ECI2: variants seen among roughly 807,000 people sequenced by gnomAD.
ECI2 encodes D3,D2-enoyl-CoA isomerase.
Under a neutral mutation model 38.4 loss-of-function variants are expected in ECI2, and 27 were observed. The ratio of observed to expected loss-of-function variants is 0.70; its 90% CI spans 0.52 to 0.97. ECI2 has a LOEUF of 0.97. ECI2 is among the 50% of genes least tolerant of loss of function. The pLI, the probability that ECI2 is intolerant of heterozygous loss-of-function variation, is 0.00. For missense variants in ECI2, 470 were observed against 474.4 expected (o/e 0.99, Z 0.09); for synonymous variants, 168 against 172.0 (o/e 0.98, Z 0.18).
rs1397646528 is a variant in ECI2, at chr6:4,127,783, A to G, written c.550T>C (p.Ser184Pro). 1 of 1,613,376 alleles carries G rather than the reference A, an allele frequency of 6.2e-7. No homozygotes were observed. The highest frequency in any genetic ancestry group is 8.5e-7 in the Non-Finnish European group (1 of 1,179,672). ...TTACCTGTTAAAACAGTGATGATTG[A>G]GTCATCCTTGCTGGCAGCTTTAAGT... ...RALKAASKDD[S>P]IITVLTGNGD... Residue 184 changes from serine to proline, a missense_variant, in exon 5 of 10, where the codon TCA becomes CCA. By Grantham distance (74) the Ser-to-Pro change is moderately conservative (BLOSUM62 -1). Coordinates refer to ENST00000380118, the MANE Select transcript of ECI2 (RefSeq NM_206836.3).
intron 7 of ECI2, 148 bp downstream of exon 7, chr6:4,125,102 G>T: frequency 7.6e-7 from 1 of 1,310,478 alleles, no homozygotes; most frequent in Non-Finnish European, 1.1e-6. Flanking sequence ...AGTCAAATCA[G>T]CCTAATGCTT....
chr6:4,116,093 G>A, intron 9 of ECI2, 64 bp from the exon 10 acceptor site: 2 of 1,545,058 alleles, frequency 1.3e-6, no homozygotes, highest in Non-Finnish European at 1.8e-6. Context: ...ACTCATGCCT[G>A]TAATCCCAGC....
At position 4,120,543 on chromosome 6, in the gene ECI2, G is replaced by A. The variant is rs546891352; in HGVS notation, c.796-1268C>T. Among the ~76,000 whole-genome samples the A allele has an allele frequency of 2.4e-4, 37 of 152,052 alleles. 1 individual carries two copies. Among genetic ancestry groups the A allele is most frequent in the African/African-American group, 5.8e-4 (24 of 41,448 alleles). ...GCAGTTCGAGACCAGCCTGGCCAAC[G>A]TAGTGAAACCCCATCTCTACTAAAA... On this transcript the variant is annotated intron_variant, in intron 7 of 9. Coordinates refer to ENST00000380118, the MANE Select transcript of ECI2 (RefSeq NM_206836.3).
At position 4,117,374 on chromosome 6, in the gene ECI2, G is replaced by A. The variant is rs1364111151; in HGVS notation, c.963C>T (p.Phe321=). 8 of 1,613,870 alleles carry A rather than the reference G, an allele frequency of 5.0e-6. No homozygotes were observed. The highest frequency in any genetic ancestry group is 6.8e-6 in the Non-Finnish European group (8 of 1,179,930). The change falls in exon 9 of 10, where the codon TTC becomes TTT. Residue 321 remains phenylalanine, a synonymous_variant. Transcript: ENST00000380118. The part of the protein sequence containing the change: ...ACAQGLVTEV[F]PDSTFQKEVW... ...CTTCTTTCTGAAAAGTGCTATCAGG[G>A]AAAACTTCAGTAACAAGTCCTTGAG...
intron 1 of ECI2, among the ~76,000 whole-genome samples, chr6:4,134,540 T>G (rs1424537785): frequency 6.6e-6 from 1 of 151,970 alleles, no homozygotes; most frequent in Non-Finnish European, 1.5e-5. Flanking sequence ...AATAATAGAG[T>G]TAATGGCAAA....
chr6:4,132,411 G>A (rs111967316), intron 2 of ECI2, among the ~76,000 whole-genome samples: 4 of 152,060 alleles, frequency 2.6e-5, no homozygotes, highest in Admixed American at 1.3e-4. Flanking sequence ...AAATCACATC[G>A]TTAAGACAAT....
chr6:4,132,766 T>G lies in ECI2; in HGVS notation c.213+783A>C, dbSNP rs149595225. The stretch of plus-strand genomic sequence containing the variant: ...TTACTTGCTTCATCTCTCTCTCTCT[T>G]TATTTTCTTTCGTTTTTGGACAGAG... On this transcript the variant is annotated intron_variant, in intron 2 of 9. Coordinates refer to ENST00000380118, the MANE Select transcript of ECI2 (RefSeq NM_206836.3). 5.9e-5 allele frequency among the ~76,000 whole-genome samples: 9 copies of G among 151,900 alleles called. No homozygotes were observed. The South Asian group carries it at 6.2e-4, about 11-fold the overall frequency.
At chr6:4,133,840 C>T (rs1773607136) in intron 1 of ECI2, 129 bp from the exon 2 acceptor site, 3 of 1,121,700 alleles carry the variant, frequency 2.7e-6, no homozygotes. Context: ...TTATACTTGC[C>T]TCAGCAAACT....
chr6:4,135,513 C>A lies in ECI2; in HGVS notation c.48G>T (p.Pro16=), dbSNP rs760835496. 6.3e-7 allele frequency: 1 copy of A among 1,598,418 alleles called. No individual in the cohort carries two copies. Among genetic ancestry groups the A allele is most frequent in the Non-Finnish European group, 8.5e-7 (1 of 1,170,858 alleles). The change falls in exon 1 of 10, where the codon CCG becomes CCT. Residue 16 remains proline, a splice_region_variant and synonymous_variant. Transcript: ENST00000380118. The part of the protein sequence containing the change: ...LAWRLARRSC[P]SSLQVTSFPV... ...AACGGCCGGGACTCCAAGCTTACCT[C>A]GGACACGAACGCCGCGCCAGTCTCC...
chr6:4,123,164 T>C (rs1772916557), intron 7 of ECI2, among the ~76,000 whole-genome samples: 2 of 152,062 alleles, frequency 1.3e-5, no homozygotes, highest in Admixed American at 1.3e-4. Context: ...ATTTCCTTTA[T>C]TTTATTTATT....
At chr6:4,119,147 G>T in intron 8 of ECI2, 39 bp downstream of exon 8, 3 of 1,508,810 alleles carry the variant, frequency 2.0e-6, no homozygotes, top group South Asian at 2.3e-5. Flanking sequence ...TTCTTGAGAT[G>T]ACTCATAAAA....
intron 7 of ECI2, among the ~76,000 whole-genome samples, chr6:4,123,870 A>G (rs1221399894): frequency 1.3e-5 from 2 of 152,080 alleles, no homozygotes; most frequent in Non-Finnish European, 2.9e-5. Flanking sequence ...GCTGAGTGGG[A>G]GAATCGCTTG....
At chr6:4,131,470 C>T (rs917089269) in intron 2 of ECI2, among the ~76,000 whole-genome samples, 2 of 152,062 alleles carry the variant, frequency 1.3e-5, no homozygotes, top group Non-Finnish European at 2.9e-5. Flanking sequence ...AATAAAATAT[C>T]CCACTCAGCT....
intron 7 of ECI2, among the ~76,000 whole-genome samples, chr6:4,123,659 A>G (rs182867199): frequency 3.9e-5 from 6 of 152,076 alleles, no homozygotes; most frequent in Non-Finnish European, 4.4e-5. Flanking sequence ...GATGGAAGTC[A>G]TCAACATTTT....
intron 2 of ECI2, among the ~76,000 whole-genome samples, chr6:4,132,458 T>G (rs1773544950): frequency 6.6e-6 from 1 of 151,938 alleles, no homozygotes; most frequent in Non-Finnish European, 1.5e-5. Context: ...CATTAGAGAT[T>G]CACTTCCCAG....
intron 7 of ECI2, chr6:4,121,786 G>T: frequency 9.7e-6 from 3 of 310,702 alleles, no homozygotes; most frequent in Non-Finnish European, 6.1e-6. Flanking sequence ...ATATGTAAAA[G>T]AATATTTAGA....
intron 8 of ECI2, 199 bp downstream of exon 8, chr6:4,118,987 T>G: frequency 2.1e-6 from 1 of 466,788 alleles, no homozygotes; most frequent in Non-Finnish European, 3.8e-6. Context: ...CAGAGAGAAT[T>G]TCTAATTTTC....
intron 4 of ECI2, 118 bp downstream of exon 4, chr6:4,130,254 A>G: frequency 6.2e-7 from 1 of 1,613,498 alleles, no homozygotes; most frequent in Non-Finnish European, 8.5e-7. Context: ...ACCTTCCTGC[A>G]CAAATCAAAC....
chr6:4,125,513 C>T, intron 6 of ECI2, 143 bp from the exon 7 acceptor site: 1 of 1,211,990 alleles, frequency 8.3e-7, no homozygotes. Flanking sequence ...CCTTGTCCTG[C>T]CACTTCCCTG....
Sources: gnomAD v4.1 joint callset for allele counts (sites outside exome capture counted in the v4.1 genomes callset) on GRCh38, gnomAD v4.1.1 for gene constraint, MANE v1.5 for transcripts, NCBI Gene and HGNC (gene_info 2026-07-23, HGNC 2026-07-21) for gene names.